Variants in PTPRT observed in about 807,000 individuals in gnomAD.
PTPRT encodes protein tyrosine phosphatase receptor type T.
Under a neutral mutation model 176.8 loss-of-function variants are expected in PTPRT, and 56 were observed. The observed-to-expected ratio is 0.32, with a 90% CI of 0.26 to 0.40. The LOEUF (loss-of-function observed/expected upper bound fraction) is 0.40, where lower values mean the gene tolerates loss of function less well. Among genes scored for constraint, PTPRT ranks in the 10% least tolerant of loss-of-function variants. PTPRT has a pLI of 1.00. For missense variants in PTPRT, 1,540 were observed against 1,908.2 expected, an observed-to-expected ratio of 0.81 and a Z score of 3.60; for synonymous variants, 783 against 739.0, an observed-to-expected ratio of 1.06 and a Z score of -0.96.
intron 12 of PTPRT, among the ~76,000 whole-genome samples, chr20:42,296,370 T>G (rs1230971767): frequency 6.6e-6 from 1 of 150,692 alleles, no homozygotes; most frequent in Non-Finnish European, 1.5e-5. Context: ...TGCTTGAACC[T>G]GGGAGGCACG....
chr20:42,404,152 G>A (rs2058936710), intron 9 of PTPRT, among the ~76,000 whole-genome samples: 1 of 152,158 alleles, frequency 6.6e-6, no homozygotes, highest in Non-Finnish European at 1.5e-5. Context: ...GTTGGACAAA[G>A]CTTTGCATGT....
intron 7 of PTPRT, among the ~76,000 whole-genome samples, chr20:42,567,131 G>T (rs541101001): frequency 1.2e-4 from 18 of 152,002 alleles, no homozygotes; most frequent in Admixed American, 4.6e-4. Flanking sequence ...AAATTAGCCG[G>T]GCATGGTGGC....
intron 7 of PTPRT, among the ~76,000 whole-genome samples, chr20:42,628,953 A>G (rs1282737115): frequency 1.3e-5 from 2 of 152,182 alleles, no homozygotes; most frequent in Non-Finnish European, 2.9e-5. Context: ...TTAGCAAGAA[A>G]GTAGCAGAGT....
rs149716905 is a variant in PTPRT, at chr20:43,148,279, C to T, written c.88+41367G>A. Among the ~76,000 whole-genome samples the T allele has an allele frequency of 1.2e-4, 19 of 152,280 alleles. No individual in the cohort carries two copies. In the East Asian group the frequency reaches 2.1e-3, roughly 17 times the overall value. ...AGCACATTTGTCACTCTGCCTGGAA[C>T]GGTTCTCACCAACCCTCCATCGCAT... On this transcript the variant is annotated intron_variant, in intron 1 of 30. Coordinates refer to ENST00000373187, the MANE Select transcript of PTPRT (RefSeq NM_007050.6).
At chr20:42,468,578 T>A (rs754505364) in intron 8 of PTPRT, among the ~76,000 whole-genome samples, 4 of 152,236 alleles carry the variant, frequency 2.6e-5, no homozygotes, top group Non-Finnish European at 4.4e-5. Context: ...AATTAAAATT[T>A]AATTTCAAAG....
chr20:42,134,980 T>C (rs1308411182), intron 18 of PTPRT, among the ~76,000 whole-genome samples: 1 of 152,230 alleles, frequency 6.6e-6, no homozygotes, highest in African/African-American at 2.4e-5. Context: ...GGCCTTTGCA[T>C]GTTCAAAGAA....
intron 26 of PTPRT, among the ~76,000 whole-genome samples, chr20:42,099,546 C>CG (rs59137378): frequency 3.3e-3 from 95 of 28,832 alleles, no homozygotes; most frequent in East Asian, 0.018. Context: ...ATGGCCTGGG[C>CG]GGGGGGGGGG....
At chr20:42,800,334 T>C (rs1188037410) in intron 2 of PTPRT, among the ~76,000 whole-genome samples, 2 of 152,196 alleles carry the variant, frequency 1.3e-5, no homozygotes, top group Non-Finnish European at 2.9e-5. Context: ...TCCCTGGAGT[T>C]AGCTGGCCTT....
At chr20:43,139,408 G>C (rs1409620509) in intron 1 of PTPRT, among the ~76,000 whole-genome samples, 1 of 152,212 alleles carries the variant, frequency 6.6e-6, no homozygotes, top group Non-Finnish European at 1.5e-5. Context: ...CCTTGGAGAA[G>C]CTCCGAGCAG....
chr20:43,027,229 G>A (rs1277720491), intron 1 of PTPRT, among the ~76,000 whole-genome samples: 1 of 152,152 alleles, frequency 6.6e-6, no homozygotes, highest in Non-Finnish European at 1.5e-5. Flanking sequence ...TGTAATCCCA[G>A]CACTTTGGGA....
chr20:42,940,309 T>C (rs779005387), intron 1 of PTPRT, among the ~76,000 whole-genome samples: 1 of 152,156 alleles, frequency 6.6e-6, no homozygotes, highest in Non-Finnish European at 1.5e-5. Context: ...TTCTGGGGGA[T>C]GTAAAATGTT....
rs1983044881 is a variant in PTPRT at position 42,078,947 on chromosome 20, G to C, written c.*1932C>G. The C allele has an allele frequency of 5.7e-6, 1 of 176,558 alleles. No homozygotes were observed. The highest frequency in any genetic ancestry group is 1.2e-5 in the Non-Finnish European group (1 of 81,878). 10.9% of individuals were successfully genotyped at this position (176,558 alleles called of 1,614,324 possible). On this transcript the variant is annotated 3_prime_UTR_variant, in exon 31 of 31. Transcript: ENST00000373187. ...ACTGCACCATGGTTCCATTTCCCCAGCATACAGTGGGCTCTTGAGGGCCAA... is the reference window on the plus strand; with the variant it reads ...ACTGCACCATGGTTCCATTTCCCCACCATACAGTGGGCTCTTGAGGGCCAA...
intron 1 of PTPRT, among the ~76,000 whole-genome samples, chr20:42,976,443 T>G (rs1455938942): frequency 4.6e-5 from 7 of 152,072 alleles, no homozygotes; most frequent in Admixed American, 3.3e-4. Context: ...TCTCGCTCTG[T>G]CGCCCAGGCT....
chr20:42,323,614 G>T (rs1285572792), intron 11 of PTPRT, among the ~76,000 whole-genome samples: 2 of 152,042 alleles, frequency 1.3e-5, no homozygotes, highest in East Asian at 3.9e-4. Flanking sequence ...ACTGTTGTGG[G>T]GTAGGGGGAG....
chr20:42,481,810 G>GCA, intron 7 of PTPRT, among the ~76,000 whole-genome samples: 1 of 147,418 alleles, frequency 6.8e-6, no homozygotes, highest in African/African-American at 2.5e-5. Context: ...ACACACGCGC[G>GCA]CATGTATATA....
intron 2 of PTPRT, among the ~76,000 whole-genome samples, chr20:42,881,195 C>G (rs1294218794): frequency 6.6e-6 from 1 of 152,214 alleles, no homozygotes; most frequent in Non-Finnish European, 1.5e-5. Context: ...CAGACATCCT[C>G]CATTTAACTC....
intron 7 of PTPRT, among the ~76,000 whole-genome samples, chr20:42,477,382 T>C (rs2071308877): frequency 6.6e-6 from 1 of 151,842 alleles, no homozygotes. Context: ...AAGGGTAATA[T>C]ATATATATAT....
chr20:42,891,743 TA>T (rs1377779345), intron 1 of PTPRT, among the ~76,000 whole-genome samples: 1 of 152,246 alleles, frequency 6.6e-6, no homozygotes, highest in Non-Finnish European at 1.5e-5. Flanking sequence ...GTAGAGGAAC[TA>T]AAAGATTCGT....
chr20:42,668,980 G>T (rs1489801671), intron 7 of PTPRT, among the ~76,000 whole-genome samples: 1 of 150,910 alleles, frequency 6.6e-6, no homozygotes, highest in Non-Finnish European at 1.5e-5. Context: ...AAAGTGCTGG[G>T]ATTACAGGCG....
Sources: allele counts gnomAD v4.1 joint callset (sites outside exome capture counted in the v4.1 genomes callset), GRCh38; gene constraint gnomAD v4.1.1; transcripts MANE v1.5; gene names NCBI Gene and HGNC (gene_info 2026-07-23, HGNC 2026-07-21).